ABI1: variants seen among roughly 807,000 people sequenced by gnomAD.
ABI1 encodes abl interactor 1.
Under a neutral mutation model 54.6 loss-of-function variants are expected in ABI1, and 14 were observed. That is an observed-to-expected ratio of 0.26 (90% CI 0.17 to 0.40). The LOEUF (loss-of-function observed/expected upper bound fraction) is 0.40, where lower values mean the gene tolerates loss of function less well. ABI1 is among the 10% of genes least tolerant of loss of function. The pLI, the probability that ABI1 is intolerant of heterozygous loss-of-function variation, is 1.00. For synonymous variants in ABI1, 194 were observed against 209.3 expected, an observed-to-expected ratio of 0.93 and a Z score of 0.63; for missense variants, 443 against 598.3, an observed-to-expected ratio of 0.74 and a Z score of 2.71.
At chr10:26,793,348 A>G (rs1843711419) in intron 2 of ABI1, among the ~76,000 whole-genome samples, 1 of 152,236 alleles carries the variant, frequency 6.6e-6, no homozygotes, top group African/African-American at 2.4e-5. Flanking sequence ...TCTTTGTTCA[A>G]TAAGCTTGAA....
At chr10:26,814,070 T>C (rs2047406407) in intron 2 of ABI1, among the ~76,000 whole-genome samples, 1 of 152,200 alleles carries the variant, frequency 6.6e-6, no homozygotes, top group Non-Finnish European at 1.5e-5. Context: ...TTTTTGCCTA[T>C]ATAAAACTAA....
intron 1 of ABI1, among the ~76,000 whole-genome samples, chr10:26,832,063 G>A (rs2133924905): frequency 6.6e-6 from 1 of 152,240 alleles, no homozygotes; most frequent in South Asian, 2.1e-4. Context: ...AAAGGTTACG[G>A]GTGCAATAAT....
At chr10:26,818,647 A>AG in intron 2 of ABI1, among the ~76,000 whole-genome samples, 1 of 151,790 alleles carries the variant, frequency 6.6e-6, no homozygotes, top group African/African-American at 2.4e-5. Flanking sequence ...AAAAAAAAAA[A>AG]AAGAGCAAAG....
rs528476332 is a variant in ABI1 at position 26,789,662 on chromosome 10, T to C, written c.286-12421A>G. 5.9e-5 allele frequency among the ~76,000 whole-genome samples: 9 copies of C among 152,272 alleles called. No individual in the cohort carries two copies. The South Asian group carries it at 1.9e-3, about 32-fold the overall frequency. On this transcript the variant is annotated intron_variant, in intron 2 of 10. Coordinates refer to ENST00000376140, the MANE Select transcript of ABI1 (RefSeq NM_001012750.3). ...TAAGTTCAGGGGTACATATGTAAGA[T>C]GTGTTAGTTTGTTGCATAAGTAAAC... is the stretch of plus-strand genomic sequence containing the variant.
chr10:26,748,865 A>C (rs1451803879), intron 10 of ABI1, 120 bp from the exon 11 acceptor site: 4 of 757,590 alleles, frequency 5.3e-6, no homozygotes, highest in Non-Finnish European at 8.3e-6. Context: ...AGATTTCTTA[A>C]TTTTTGTATC....
intron 2 of ABI1, among the ~76,000 whole-genome samples, chr10:26,804,749 TCA>T (rs1271931182): frequency 6.6e-6 from 1 of 152,206 alleles, no homozygotes; most frequent in East Asian, 1.9e-4. Flanking sequence ...GTAGGAAAAA[TCA>T]CACAGTGACA....
rs183167942 is a variant in ABI1 at position 26,818,422 on chromosome 10, C to T, written c.285+4716G>A. ...TCACTTGAGGTCAGGAGTTTGAAACCAACCTGGCCAACATGGTGAAACCCC... is the reference window on the plus strand; with the variant it reads ...TCACTTGAGGTCAGGAGTTTGAAACTAACCTGGCCAACATGGTGAAACCCC... On this transcript the variant is annotated intron_variant, in intron 2 of 10. Transcript: ENST00000376140. Among the ~76,000 whole-genome samples, 12 of 151,844 alleles carry T rather than the reference C, an allele frequency of 7.9e-5. No individual in the cohort carries two copies. In the East Asian group the frequency reaches 2.3e-3, roughly 29 times the overall value.
intron 1 of ABI1, among the ~76,000 whole-genome samples, chr10:26,836,299 G>C (rs369514656): frequency 1.3e-5 from 2 of 151,864 alleles, no homozygotes; most frequent in Non-Finnish European, 2.9e-5. Context: ...TTTTAGTAGA[G>C]ACAGGGTTTC....
chr10:26,809,773 T>C (rs1177543466), intron 2 of ABI1, among the ~76,000 whole-genome samples: 1 of 152,132 alleles, frequency 6.6e-6, no homozygotes, highest in Non-Finnish European at 1.5e-5. Context: ...GATAAAACTC[T>C]AGACACTGAA....
chr10:26,827,587 CTGTTTTT>C (rs1320098934), intron 1 of ABI1, among the ~76,000 whole-genome samples: 33 of 123,654 alleles, frequency 2.7e-4, no homozygotes, highest in Admixed American at 1.0e-3. Context: ...TTTTCACTTT[CTGTTTTT>C]TGTTTTTTTT....
intron 2 of ABI1, among the ~76,000 whole-genome samples, chr10:26,813,267 A>AT (rs35668303): frequency 6.6e-6 from 1 of 151,830 alleles, no homozygotes; most frequent in East Asian, 1.9e-4. Context: ...AAAAAAAAAA[A>AT]TCATGAAACA....
rs1289086102 is a variant in ABI1, at chr10:26,787,061, C to CT, written c.286-9821dup. On this transcript the variant is annotated intron_variant, in intron 2 of 10. Coordinates refer to ENST00000376140, the MANE Select transcript of ABI1 (RefSeq NM_001012750.3). ...TTAATTTTACTAAATCCTGTCACAT[C>CT]TACCTTTAAATACCAGAAATCTGTT... 3.3e-5 allele frequency among the ~76,000 whole-genome samples: 5 copies of CT among 152,304 alleles called. No homozygotes were observed. The East Asian group carries it at 9.7e-4, about 29-fold the overall frequency.
intron 1 of ABI1, among the ~76,000 whole-genome samples, chr10:26,832,231 A>G (rs1184044892): frequency 1.3e-5 from 2 of 152,196 alleles, no homozygotes; most frequent in East Asian, 3.8e-4. Flanking sequence ...GGCAGTTACT[A>G]GAATTCATGA....
intron 1 of ABI1, among the ~76,000 whole-genome samples, chr10:26,845,897 C>A (rs939339440): frequency 6.6e-6 from 1 of 152,002 alleles, no homozygotes; most frequent in African/African-American, 2.4e-5. Context: ...AATCCCAGCA[C>A]TTTGGGAGGC....
At chr10:26,851,494 A>C (rs772063404) in intron 1 of ABI1, among the ~76,000 whole-genome samples, 1 of 151,764 alleles carries the variant, frequency 6.6e-6, no homozygotes, top group Non-Finnish European at 1.5e-5. Flanking sequence ...GCTAGCTGAC[A>C]ATAGTGTAAT....
intron 3 of ABI1, among the ~76,000 whole-genome samples, chr10:26,772,203 C>T (rs1174251018): frequency 2.6e-5 from 4 of 151,910 alleles, no homozygotes; most frequent in African/African-American, 9.7e-5. Context: ...ACATCTGGTA[C>T]CCTACCTAAC....
chr10:26,808,729 A>G (rs1219075745), intron 2 of ABI1, among the ~76,000 whole-genome samples: 1 of 152,024 alleles, frequency 6.6e-6, no homozygotes, highest in African/African-American at 2.4e-5. Context: ...TCTCAACAAC[A>G]ACAACAAAAA....
At chr10:26,796,075 T>C (rs1285026898) in intron 2 of ABI1, among the ~76,000 whole-genome samples, 1 of 151,768 alleles carries the variant, frequency 6.6e-6, no homozygotes, top group Non-Finnish European at 1.5e-5. Flanking sequence ...GGTGACGGAG[T>C]GAGACCCAGT....
chr10:26,831,962 G>T (rs188663395), intron 1 of ABI1, among the ~76,000 whole-genome samples: 7 of 152,230 alleles, frequency 4.6e-5, no homozygotes, highest in East Asian at 1.9e-4. Flanking sequence ...CTAATTTATT[G>T]ATTTTACCAG....
Sources: gnomAD v4.1 joint callset for allele counts (sites outside exome capture counted in the v4.1 genomes callset) on GRCh38, gnomAD v4.1.1 for gene constraint, MANE v1.5 for transcripts, NCBI Gene and HGNC (gene_info 2026-07-23, HGNC 2026-07-21) for gene names.